Variants in CATSPERT observed in about 807,000 individuals in gnomAD.
The protein encoded by CATSPERT is cation channel sperm-associated targeting subunit tau.
At chr2:201,527,582 T>G in the CATSPERT span, among the ~76,000 whole-genome samples, 1 of 152,066 alleles carries the variant, frequency 6.6e-6, no homozygotes, top group Non-Finnish European at 1.5e-5. Flanking sequence ...TGGAACAGAA[T>G]GGTGAACCCA....
chr2:201,493,675 A>C, the CATSPERT span: 1 of 1,537,352 alleles, frequency 6.5e-7, no homozygotes, highest in East Asian at 2.4e-5. Context: ...TTCCAAGTTC[A>C]TTGGTGTTTC....
At chr2:201,535,249 G>A in the CATSPERT span, 2 of 985,130 alleles carry the variant, frequency 2.0e-6, no homozygotes, top group African/African-American at 3.5e-5. Context: ...TAGAGACTTA[G>A]ATGCCCAAGC....
At chr2:201,563,597 A>C in the CATSPERT span, among the ~76,000 whole-genome samples, 72,934 of 151,566 alleles carry the variant, frequency 0.48, 17,933 homozygotes, top group East Asian at 0.75. Flanking sequence ...AAATCAGTCA[A>C]CTCCTTTATT....
the CATSPERT span, among the ~76,000 whole-genome samples, chr2:201,540,985 T>C: frequency 6.6e-6 from 1 of 152,186 alleles, no homozygotes. Context: ...ACAACCCTCA[T>C]GGATGACTTT....
chr2:201,562,187 C>CTT, the CATSPERT span, among the ~76,000 whole-genome samples: 724 of 121,224 alleles, frequency 6.0e-3, 19 homozygotes, highest in African/African-American at 0.013. Flanking sequence ...TCTAATAATT[C>CTT]TTTTTTTTTT....
At chr2:201,535,083 CTG>C in the CATSPERT span, 1 of 922,286 alleles carries the variant, frequency 1.1e-6, no homozygotes, top group Non-Finnish European at 1.3e-6. Flanking sequence ...TTTTCTGTGA[CTG>C]TGCATTACTT....
At chr2:201,615,746 C>CA in the CATSPERT span, among the ~76,000 whole-genome samples, 4 of 151,946 alleles carry the variant, frequency 2.6e-5, no homozygotes, top group Admixed American at 6.6e-5. Flanking sequence ...AAAAAACCTT[C>CA]AAAAAATCAA....
At chr2:201,575,050 A>G in the CATSPERT span, among the ~76,000 whole-genome samples, 546 of 104,614 alleles carry the variant, frequency 5.2e-3, 3 homozygotes, top group East Asian at 0.013. Context: ...AAAAAAAAAA[A>G]AAGAAGAAGA....
chr2:201,581,567 T>C, the CATSPERT span, among the ~76,000 whole-genome samples: 283 of 75,466 alleles, frequency 3.8e-3, 31 homozygotes, highest in African/African-American at 0.013. Context: ...TATATATATA[T>C]ATATATATAT....
At chr2:201,526,428 C>T in the CATSPERT span, among the ~76,000 whole-genome samples, 1 of 152,024 alleles carries the variant, frequency 6.6e-6, no homozygotes, top group East Asian at 1.9e-4. Context: ...TGAGGCAGGA[C>T]AATCGCTTGA....
the CATSPERT span, among the ~76,000 whole-genome samples, chr2:201,610,786 G>T: frequency 6.6e-6 from 1 of 152,074 alleles, no homozygotes; most frequent in East Asian, 1.9e-4. Flanking sequence ...GATCATATGG[G>T]ATTTATCCCA....
chr2:201,598,495 G>A, the CATSPERT span, among the ~76,000 whole-genome samples: 3 of 151,964 alleles, frequency 2.0e-5, no homozygotes, highest in Admixed American at 6.5e-5. Flanking sequence ...AGGGAGAGAC[G>A]TCCCCTCCCA....
chr2:201,560,644 C>T, the CATSPERT span, among the ~76,000 whole-genome samples: 1 of 152,160 alleles, frequency 6.6e-6, no homozygotes, highest in South Asian at 2.1e-4. Flanking sequence ...CAAATTATCA[C>T]ATTATGAGAG....
the CATSPERT span, among the ~76,000 whole-genome samples, chr2:201,569,119 A>T: frequency 2.0e-5 from 3 of 152,200 alleles, no homozygotes; most frequent in African/African-American, 7.2e-5. Flanking sequence ...AAAAGGCCAT[A>T]GGTCCCTTTG....
At chr2:201,561,937 T>C in the CATSPERT span, among the ~76,000 whole-genome samples, 2 of 151,932 alleles carry the variant, frequency 1.3e-5, no homozygotes, top group African/African-American at 4.8e-5. Flanking sequence ...AGCCTCCTAC[T>C]TTTCTTATAA....
At chr2:201,614,599 A>G in the CATSPERT span, among the ~76,000 whole-genome samples, 1 of 152,222 alleles carries the variant, frequency 6.6e-6, no homozygotes, top group Non-Finnish European at 1.5e-5. Flanking sequence ...CAGCCACTGC[A>G]AAAACATGCC....
At chr2:201,541,942 T>A in the CATSPERT span, among the ~76,000 whole-genome samples, 1 of 151,976 alleles carries the variant, frequency 6.6e-6, no homozygotes, top group African/African-American at 2.4e-5. Flanking sequence ...CAGGCCGAAG[T>A]ACAGTGGCAT....
At chr2:201,505,333 G>A in the CATSPERT span, among the ~76,000 whole-genome samples, 150 of 152,178 alleles carry the variant, frequency 9.9e-4, 1 homozygote, top group Admixed American at 2.3e-3. Context: ...TGCCCACCTC[G>A]GCCTCCCAAA....
chr2:201,524,065 T>C, the CATSPERT span, among the ~76,000 whole-genome samples: 10 of 152,216 alleles, frequency 6.6e-5, no homozygotes, highest in African/African-American at 2.2e-4. Flanking sequence ...TTGGAAAATA[T>C]ATTTCAGGAT....
Sources: gnomAD v4.1 joint callset for allele counts (sites outside exome capture counted in the v4.1 genomes callset) on GRCh38, gnomAD v4.1.1 for gene constraint, MANE v1.5 for transcripts, NCBI Gene and HGNC (gene_info 2026-07-23, HGNC 2026-07-21) for gene names.